The following SOAT2 variants were observed in gnomAD, a reference collection of about 807,000 sequenced individuals.
SOAT2 encodes ACAT-2.
In SOAT2, 87 loss-of-function variants were observed where a neutral mutation model predicts 76.0. The observed-to-expected ratio is 1.14, with a 90% CI of 0.96 to 1.37. SOAT2 has a LOEUF of 1.37. SOAT2 is among the 40% of genes most tolerant of loss of function. SOAT2 has a pLI of 0.00. For missense variants in SOAT2, 686 were observed against 682.1 expected (o/e 1.01, Z -0.06); for synonymous variants, 285 against 275.4 (o/e 1.03, Z -0.34).
chr12:53,120,133 C>T (rs822685), intron 10 of SOAT2, among the ~76,000 whole-genome samples: 39,614 of 151,802 alleles, frequency 0.26, 7,675 homozygotes, highest in African/African-American at 0.55. Context: ...GCCAGGAGTT[C>T]GAGACTAGAC....
intron 2 of SOAT2, among the ~76,000 whole-genome samples, chr12:53,104,846 G>T (rs1056941392): frequency 6.6e-6 from 1 of 152,064 alleles, no homozygotes; most frequent in African/African-American, 2.4e-5. Flanking sequence ...CAGGGATCAT[G>T]GCTTGTTCAT....
Position 53,118,412 on chromosome 12 carries a change from A to C in SOAT2, c.841A>C (p.Ile281Leu), listed in dbSNP as rs570039720. Residue 281 changes from isoleucine to leucine, a missense_variant, in exon 8 of 15, where the codon ATC (isoleucine) becomes CTC (leucine). Ile to Leu is a conservative substitution (Grantham distance 5). Transcript: ENST00000301466. ...YLYFLFCPTLIYRETYPRTPY... is the reference protein window; with the variant it reads ...YLYFLFCPTLLYRETYPRTPY... ...CTACTTCCTCTTCTGCCCAACACTC[A>C]TCTACAGGGAGACTTACCCTAGGTA... is the stretch of plus-strand genomic sequence containing the variant. 6.2e-7 allele frequency: 1 copy of C among 1,612,956 alleles called. No individual in the cohort carries two copies. Among genetic ancestry groups the C allele is most frequent in the Non-Finnish European group, 8.5e-7 (1 of 1,179,502 alleles).
At position 53,118,346 on chromosome 12, in the gene SOAT2, C is replaced by A. The variant is rs199538127; in HGVS notation, c.779-4C>A. 79 of 1,609,226 alleles carry A rather than the reference C, an allele frequency of 4.9e-5. No homozygotes were observed. In the African/African-American group the frequency reaches 8.7e-4, roughly 18 times the overall value. On this transcript the variant is annotated splice_region_variant and splice_polypyrimidine_tract_variant and intron_variant, in intron 7 of 14. Transcript: ENST00000301466. ...ACTAATCCACCCCTCTCATTCCTCC[C>A]CAGGTGAGGGGATCCAGGCCCCCAG...
In SOAT2 at chr12:53,116,106, C is replaced by T; in HGVS notation, c.718C>T (p.Leu240=). The T allele has an allele frequency of 6.2e-7, 1 of 1,614,152 alleles. No individual in the cohort carries two copies. The highest frequency in any genetic ancestry group is 8.5e-7 in the Non-Finnish European group (1 of 1,179,980). Residue 240 remains leucine, a synonymous_variant, in exon 7 of 15, where the codon CTG becomes TTG. Coordinates refer to ENST00000301466, the MANE Select transcript of SOAT2 (RefSeq NM_003578.4). ...TTCCATTCTGCCACAGGTTAGGTTC[C>T]TGATGAAAAGCTACTCCTTCCTGAG... ...CVLVFEQVRF[L]MKSYSFLREA... is the part of the protein sequence containing the mutation.
Position 53,124,087 on chromosome 12 carries a change from G to C in SOAT2, c.1533G>C (p.Gly511=). 2 of 1,614,204 alleles carry C rather than the reference G, an allele frequency of 1.2e-6. No individual in the cohort carries two copies. The highest frequency in any genetic ancestry group is 2.2e-5 in the South Asian group (2 of 91,084). The part of the protein sequence containing the change: ...HCPLPQATFW[G]LVTPRSWSCH... ...CTCTGGCTCAGGCAACTTTCTGGGGGCTGGTGACACCTCGATCTTGGTCCT... is the reference window on the plus strand; with the variant it reads ...CTCTGGCTCAGGCAACTTTCTGGGGCCTGGTGACACCTCGATCTTGGTCCT... Residue 511 remains glycine, a synonymous_variant, in exon 15 of 15, where the codon GGG becomes GGC. Transcript: ENST00000301466.
Position 53,124,198 on chromosome 12 carries a change from T to G in SOAT2, c.*75T>G. The G allele has an allele frequency of 6.5e-7, 1 of 1,536,184 alleles. No individual in the cohort carries two copies. Among genetic ancestry groups the G allele is most frequent in the Non-Finnish European group, 9.0e-7 (1 of 1,110,148 alleles). Reference sequence around the variant, plus strand: ...CTGCAAAACCTGGGACCAGGACTCCTGTCTGCATTCCCAAATTTGGCTCTG... The same window carrying G: ...CTGCAAAACCTGGGACCAGGACTCCGGTCTGCATTCCCAAATTTGGCTCTG... On this transcript the variant is annotated 3_prime_UTR_variant, in exon 15 of 15. Transcript: ENST00000301466.
Position 53,120,962 on chromosome 12 carries a change from T to C in SOAT2, c.1137+79T>C. 7 of 1,084,126 alleles carry C rather than the reference T, an allele frequency of 6.5e-6. No individual in the cohort carries two copies. In the East Asian group the frequency reaches 1.6e-4, roughly 26 times the overall value. 67.2% of individuals were successfully genotyped at this position (1,084,126 alleles called of 1,614,324 possible). ...GGATCTGGGGAAGATGGTAGCCAGGTTGGGTGTCACTTCAGCCATGCTGTT... is the reference window on the plus strand; with the variant it reads ...GGATCTGGGGAAGATGGTAGCCAGGCTGGGTGTCACTTCAGCCATGCTGTT... On this transcript the variant is annotated intron_variant, in intron 11 of 14. Transcript: ENST00000301466.
At chr12:53,114,737 T>G (rs1247094968) in intron 5 of SOAT2, among the ~76,000 whole-genome samples, 1 of 152,180 alleles carries the variant, frequency 6.6e-6, no homozygotes, top group Non-Finnish European at 1.5e-5. Flanking sequence ...AAACAGTTTC[T>G]GAGTTTCCAC....
intron 5 of SOAT2, among the ~76,000 whole-genome samples, chr12:53,112,029 G>T (rs1938019211): frequency 6.6e-6 from 1 of 152,140 alleles, no homozygotes; most frequent in African/African-American, 2.4e-5. Context: ...TTTGTGCTCT[G>T]GGCAGATCTT....
chr12:53,105,583 A>G lies in SOAT2; in HGVS notation c.298A>G (p.Lys100Glu), dbSNP rs1937922234. The G allele has an allele frequency of 6.2e-7, 1 of 1,611,890 alleles. No individual in the cohort carries two copies. The highest frequency in any genetic ancestry group is 1.1e-5 in the South Asian group (1 of 90,446). ...CAGGACCCAGGAGCCATCCCTGGGGAAACAGAAAGTTTTCATCATCCGCAA... is the reference window on the plus strand; with the variant it reads ...CAGGACCCAGGAGCCATCCCTGGGGGAACAGAAAGTTTTCATCATCCGCAA... ...LSRTQEPSLG[K>E]QKVFIIRKSL... Residue 100 changes from lysine (K) to glutamate (E), a missense_variant, in exon 4 of 15, where the codon AAA becomes GAA. Lys to Glu is a moderately conservative substitution (Grantham distance 56). Transcript: ENST00000301466.
Position 53,123,236 on chromosome 12 carries a change from A to T in SOAT2, c.1372+20A>T. 6 of 1,613,168 alleles carry T rather than the reference A, an allele frequency of 3.7e-6. No homozygotes were observed. Among genetic ancestry groups the T allele is most frequent in the African/African-American group, 1.3e-5 (1 of 74,992 alleles). On this transcript the variant is annotated intron_variant, in intron 13 of 14. Transcript: ENST00000301466. ...TTGGAGGTGAGCTGGTCTCTGTGCC[A>T]CTGGAAGGGAGCCATCCAGAGGGAG...
intron 1 of SOAT2, among the ~76,000 whole-genome samples, 180 bp downstream of exon 1, chr12:53,103,839 G>GCCAC (rs1937880752): frequency 6.6e-6 from 1 of 152,228 alleles, no homozygotes; most frequent in Non-Finnish European, 1.5e-5. Flanking sequence ...GAACAGAAAA[G>GCCAC]AGCTATGTCA....
chr12:53,116,756 T>G (rs1221627064), intron 7 of SOAT2, among the ~76,000 whole-genome samples: 2 of 151,518 alleles, frequency 1.3e-5, no homozygotes. Context: ...TGGTCCCAGC[T>G]GTGTGGAAGG....
Position 53,103,539 on chromosome 12 carries a change from A to T in SOAT2, c.-39A>T, listed in dbSNP as rs532707224. The T allele has an allele frequency of 5.2e-5, 79 of 1,531,080 alleles. No individual in the cohort carries two copies. The South Asian group carries it at 8.4e-4, about 16-fold the overall frequency. 94.8% of individuals were successfully genotyped at this position (1,531,080 alleles called of 1,614,324 possible). ...CCACACTGCGAAGGAAGGAGGCAACACGGGCAAGGGCTGCCTGCTGCCCGC... is the reference window on the plus strand; with the variant it reads ...CCACACTGCGAAGGAAGGAGGCAACTCGGGCAAGGGCTGCCTGCTGCCCGC... On this transcript the variant is annotated 5_prime_UTR_variant, in exon 1 of 15. Transcript: ENST00000301466.
intron 10 of SOAT2, among the ~76,000 whole-genome samples, 173 bp from the exon 11 acceptor site, chr12:53,120,613 T>A (rs1429231252): frequency 2.0e-5 from 3 of 146,710 alleles, no homozygotes; most frequent in Non-Finnish European, 3.0e-5. Context: ...CAGTCCAGCC[T>A]GTCTCAAAAA....
intron 5 of SOAT2, among the ~76,000 whole-genome samples, chr12:53,106,966 A>G (rs78587531): frequency 1.3e-5 from 2 of 151,580 alleles, no homozygotes; most frequent in African/African-American, 2.4e-5. Context: ...TTGTTTAATC[A>G]TGCTTTGAGG....
At chr12:53,119,720 A>G (rs1938161729) in intron 10 of SOAT2, among the ~76,000 whole-genome samples, 1 of 147,988 alleles carries the variant, frequency 6.8e-6, no homozygotes, top group Non-Finnish European at 1.5e-5. Flanking sequence ...ACCCTTTCCT[A>G]ATTTTCAGCC....
chr12:53,106,210 C>CT (rs2121255930), intron 5 of SOAT2, among the ~76,000 whole-genome samples, 196 bp downstream of exon 5: 1 of 152,360 alleles, frequency 6.6e-6, no homozygotes, highest in South Asian at 2.1e-4. Flanking sequence ...TTGGTTGGCC[C>CT]TTTGTCTGTC....
At chr12:53,108,449 CT>C (rs1937968227) in intron 5 of SOAT2, among the ~76,000 whole-genome samples, 1 of 144,576 alleles carries the variant, frequency 6.9e-6, no homozygotes, top group African/African-American at 2.8e-5. Flanking sequence ...ATGCAAATAA[CT>C]AATATTGCAA....
Sources: allele counts gnomAD v4.1 joint callset (sites outside exome capture counted in the v4.1 genomes callset), GRCh38; gene constraint gnomAD v4.1.1; transcripts MANE v1.5; gene names NCBI Gene and HGNC (gene_info 2026-07-23, HGNC 2026-07-21).